Variants in PNPLA7 observed in about 807,000 individuals in gnomAD.
PNPLA7 encodes patatin-like phospholipase domain-containing protein 7.
A neutral mutation model predicts 161.7 loss-of-function variants in PNPLA7; 153 were observed. The observed-to-expected ratio is 0.95, with a 90% confidence interval of 0.83 to 1.08. PNPLA7 has a LOEUF of 1.08. PNPLA7 is among the 50% of genes least tolerant of loss of function. The probability of loss-of-function intolerance (pLI) is 0.00; values close to 1 mark genes in which losing one functional copy is unlikely to be tolerated. For missense variants in PNPLA7, 1,739 were observed against 1,856.6 expected, an observed-to-expected ratio of 0.94 and a Z score of 1.16; for synonymous variants, 809 against 782.1, an observed-to-expected ratio of 1.03 and a Z score of -0.57.
In PNPLA7 at chr9:137,538,491, C is replaced by T. The variant is rs186807757; in HGVS notation, c.747+2151G>A. Among the ~76,000 whole-genome samples, 4 of 152,314 alleles carry T rather than the reference C, an allele frequency of 2.6e-5. No homozygotes were observed. The East Asian group carries it at 7.7e-4, about 29-fold the overall frequency. ...CGAGGTTTCATGCAAGGACCTAGCG[C>T]TTGGTTCTGCCTGAATGCATCCGAG... On this transcript the variant is annotated intron_variant, in intron 8 of 34. Transcript: ENST00000406427.
intron 8 of PNPLA7, among the ~76,000 whole-genome samples, chr9:137,534,294 G>T (rs1287234503): frequency 7.7e-5 from 9 of 116,758 alleles, no homozygotes; most frequent in Admixed American, 6.8e-4. Flanking sequence ...TCCAGACGGG[G>T]GCACTCCCAG....
chr9:137,497,675 A>C (rs1235335344), intron 17 of PNPLA7, among the ~76,000 whole-genome samples: 1 of 152,110 alleles, frequency 6.6e-6, no homozygotes, highest in Non-Finnish European at 1.5e-5. Flanking sequence ...TTATAGGCGC[A>C]CACCACCACG....
At chr9:137,527,200 G>T (rs1588685109) in intron 8 of PNPLA7, among the ~76,000 whole-genome samples, 2 of 151,946 alleles carry the variant, frequency 1.3e-5, no homozygotes, top group Admixed American at 1.3e-4. Flanking sequence ...CAGAGGGGGC[G>T]GAGGTTGCAG....
In PNPLA7 at chr9:137,541,786, AT is replaced by A. The variant is rs535110997; in HGVS notation, c.666+855del. ...AGCTCCTACGTGGATTCACACCCGA[AT>A]TTTTTTTTTTTTGAGACAGGGTCTC... On this transcript the variant is annotated intron_variant, in intron 7 of 34. Coordinates refer to ENST00000406427, the MANE Select transcript of PNPLA7 (RefSeq NM_001098537.3). The surrounding 1 kb of genome is among the most constrained non-coding windows in gnomAD (Gnocchi z 4.4). Among the ~76,000 whole-genome samples the A allele has an allele frequency of 1.1e-3, 161 of 146,444 alleles. No homozygotes were observed. Among genetic ancestry groups the A allele is most frequent in the South Asian group, 1.7e-3 (8 of 4,610 alleles).
At position 137,543,962 on chromosome 9, in the gene PNPLA7, A is replaced by G; in HGVS notation, c.274-147T>C. ...TGGGGTCTGGCTGTGCCATTTTCCC[A>G]CCCTGCCTGGCCTGTGAGGGAATGT... On this transcript the variant is annotated intron_variant, in intron 4 of 34. Coordinates refer to ENST00000406427, the MANE Select transcript of PNPLA7 (RefSeq NM_001098537.3). The surrounding 1 kb of genome is among the most constrained non-coding windows in gnomAD (Gnocchi z 6.9). The G allele has an allele frequency of 1.5e-6, 1 of 658,274 alleles. No homozygotes were observed. The highest frequency in any genetic ancestry group is 2.7e-6 in the Non-Finnish European group (1 of 373,286). The allele number at this position is 658,274 out of a possible 1,614,324, so 40.8% of individuals were successfully genotyped here. A position where few individuals can be genotyped will look rare whatever the true frequency, so the allele number is the denominator to read the frequency against.
chr9:137,494,926 C>T (rs952813814), intron 19 of PNPLA7, 107 bp downstream of exon 19: 17 of 1,020,014 alleles, frequency 1.7e-5, no homozygotes, highest in African/African-American at 7.9e-5. Context: ...ACCTGCTCCG[C>T]GCCCTCACCT....
At position 137,460,478 on chromosome 9, in the gene PNPLA7, TGCAAGCAGACC is replaced by T; in HGVS notation, c.3946-13_3946-3del. On this transcript the variant is annotated splice_region_variant and splice_polypyrimidine_tract_variant and intron_variant, in intron 34 of 34. Coordinates refer to ENST00000406427, the MANE Select transcript of PNPLA7 (RefSeq NM_001098537.3). ...ATGCCGCAGTGAGGACTCGTCCTCC[TGCAAGCAGACC>T]GCATGTTCCAGGTGAGGACCAGGCA... The T allele has an allele frequency of 1.2e-6, 2 of 1,612,412 alleles. No homozygotes were observed. Among genetic ancestry groups the T allele is most frequent in the South Asian group, 2.2e-5 (2 of 91,074 alleles).
chr9:137,494,541 A>G (rs914022886), intron 19 of PNPLA7, among the ~76,000 whole-genome samples: 1 of 149,168 alleles, frequency 6.7e-6, no homozygotes, highest in African/African-American at 2.5e-5. Flanking sequence ...CACCCGCACC[A>G]CCCTCACCCG....
At position 137,537,795 on chromosome 9, in the gene PNPLA7, G is replaced by A. The variant is rs1478265041; in HGVS notation, c.747+2847C>T. On this transcript the variant is annotated intron_variant, in intron 8 of 34. Coordinates refer to ENST00000406427, the MANE Select transcript of PNPLA7 (RefSeq NM_001098537.3). The surrounding 1 kb of genome is among the most constrained non-coding windows in gnomAD (Gnocchi z 4.5). The stretch of plus-strand genomic sequence containing the variant: ...GCATGGCTGCACTGTGATAAGTGAG[G>A]CCCAACCTGAATATCACAACAAGAT... 6.6e-6 allele frequency among the ~76,000 whole-genome samples: 1 copy of A among 152,054 alleles called. No individual in the cohort carries two copies. The highest frequency in any genetic ancestry group is 1.5e-5 in the Non-Finnish European group (1 of 68,030).
rs964634581 is a variant in PNPLA7 at position 137,499,259 on chromosome 9, C to T, written c.1758-1014G>A. On this transcript the variant is annotated intron_variant, in intron 16 of 34. Coordinates refer to ENST00000406427, the MANE Select transcript of PNPLA7 (RefSeq NM_001098537.3). This position sits in a 1 kb window ranked among gnomAD's most constrained non-coding sequence, Gnocchi z 5.5. ...AGACACACACAGACACAAGGAGACA[C>T]ACATGGACACATGTAGACACAGAGA... Among the ~76,000 whole-genome samples the T allele has an allele frequency of 1.3e-5, 2 of 151,478 alleles. No individual in the cohort carries two copies. Among genetic ancestry groups the T allele is most frequent in the African/African-American group, 2.4e-5 (1 of 41,158 alleles).
At chr9:137,502,255 C>T (rs187658222) in intron 14 of PNPLA7, among the ~76,000 whole-genome samples, 60 of 152,232 alleles carry the variant, frequency 3.9e-4, no homozygotes, top group Non-Finnish European at 2.9e-4. Context: ...GGTGAGGGAG[C>T]GTCTGCGGGC....
chr9:137,512,257 C>T (rs563756026), intron 12 of PNPLA7, among the ~76,000 whole-genome samples: 3 of 152,404 alleles, frequency 2.0e-5, no homozygotes, highest in African/African-American at 4.8e-5. Context: ...GACGCACAGA[C>T]GTAAACATTC....
In PNPLA7 at chr9:137,540,260, G is replaced by A. The variant is rs926869198; in HGVS notation, c.747+382C>T. ...AGAAAGACGGCGCCAGCAGGGAAGA[G>A]CCCAGCAGGACCTGCAGGAAACGGG... On this transcript the variant is annotated intron_variant, in intron 8 of 34. Coordinates refer to ENST00000406427, the MANE Select transcript of PNPLA7 (RefSeq NM_001098537.3). This position sits in a 1 kb window ranked among gnomAD's most constrained non-coding sequence, Gnocchi z 5.1. 6.6e-6 allele frequency among the ~76,000 whole-genome samples: 1 copy of A among 152,220 alleles called. No homozygotes were observed. The highest frequency in any genetic ancestry group is 2.4e-5 in the African/African-American group (1 of 41,460).
chr9:137,532,935 C>T (rs1835654351), intron 8 of PNPLA7, among the ~76,000 whole-genome samples: 1 of 152,046 alleles, frequency 6.6e-6, no homozygotes, highest in Non-Finnish European at 1.5e-5. Flanking sequence ...AGTGTCCACT[C>T]CAGACGGGAA....
chr9:137,510,141 G>C (rs1320303424), intron 12 of PNPLA7, among the ~76,000 whole-genome samples: 2 of 152,164 alleles, frequency 1.3e-5, no homozygotes, highest in South Asian at 4.1e-4. Flanking sequence ...TGGTCCAGCG[G>C]TAGCAAAAGG....
At chr9:137,465,761 C>T (rs557868484) in intron 26 of PNPLA7, among the ~76,000 whole-genome samples, 20 of 152,228 alleles carry the variant, frequency 1.3e-4, no homozygotes, top group African/African-American at 4.3e-4. Flanking sequence ...AATTTTCTTT[C>T]CTTTTAAAAG....
At position 137,540,600 on chromosome 9, in the gene PNPLA7, C is replaced by A. The variant is rs780735118; in HGVS notation, c.747+42G>T. On this transcript the variant is annotated intron_variant, in intron 8 of 34. Transcript: ENST00000406427. The surrounding 1 kb of genome is among the most constrained non-coding windows in gnomAD (Gnocchi z 5.1). ...GACAGAAAAACCAGGCCTCCGGGGC[C>A]AACCCAGGGGCGCCCGGAGGGCCAG... is the stretch of plus-strand genomic sequence containing the variant. The A allele has an allele frequency of 6.4e-7, 1 of 1,564,406 alleles. No homozygotes were observed. Among genetic ancestry groups the A allele is most frequent in the Admixed American group, 1.8e-5 (1 of 56,086 alleles).
At position 137,510,816 on chromosome 9, in the gene PNPLA7, G is replaced by A. The variant is rs376986795; in HGVS notation, c.1225+4563C>T. Reference sequence around the variant, plus strand: ...CACCAGGCAGTGCCCCCGTGTGGGCGGAAAGTCACCCAGGTGCCGAGGCAT... The same window carrying A: ...CACCAGGCAGTGCCCCCGTGTGGGCAGAAAGTCACCCAGGTGCCGAGGCAT... On this transcript the variant is annotated intron_variant, in intron 12 of 34. Coordinates refer to ENST00000406427, the MANE Select transcript of PNPLA7 (RefSeq NM_001098537.3). Among the ~76,000 whole-genome samples the A allele has an allele frequency of 5.3e-5, 8 of 152,322 alleles. No individual in the cohort carries two copies. The South Asian group carries it at 1.0e-3, about 20-fold the overall frequency.
chr9:137,545,883 G>C (rs530410234), intron 4 of PNPLA7, among the ~76,000 whole-genome samples: 1 of 152,148 alleles, frequency 6.6e-6, no homozygotes, highest in Non-Finnish European at 1.5e-5. Flanking sequence ...TAGCGGTAGC[G>C]TCAGTGTCAA....
Sources: gnomAD v4.1 joint callset for allele counts (sites outside exome capture counted in the v4.1 genomes callset) on GRCh38, gnomAD v4.1.1 for gene constraint, Gnocchi (gnomAD v3.1) non-coding constraint, MANE v1.5 for transcripts, NCBI Gene and HGNC (gene_info 2026-07-23, HGNC 2026-07-21) for gene names.